Variants in TBC1D5 observed in about 807,000 individuals in gnomAD.
TBC1D5 encodes TBC1 domain family, member 5.
In TBC1D5, 75 loss-of-function variants were observed where a neutral mutation model predicts 100.3. That is an observed-to-expected ratio of 0.75 (90% CI 0.62 to 0.91). TBC1D5 has a LOEUF of 0.91. Among genes scored for constraint, TBC1D5 ranks in the 40% least tolerant of loss-of-function variants. The probability of loss-of-function intolerance (pLI) is 0.00; values close to 1 mark genes in which losing one functional copy is unlikely to be tolerated. For missense variants in TBC1D5, 910 were observed against 942.4 expected, an observed-to-expected ratio of 0.97 and a Z score of 0.45; for synonymous variants, 323 against 325.6, an observed-to-expected ratio of 0.99 and a Z score of 0.09.
chr3:17,333,428 G>A (rs1280524079), intron 13 of TBC1D5: 1 of 152,172 alleles, frequency 6.6e-6, no homozygotes, highest in African/African-American at 2.4e-5. Flanking sequence ...TGGCTCAGCT[G>A]TAATACAGTG....
intron 3 of TBC1D5, among the ~76,000 whole-genome samples, chr3:17,497,301 A>G (rs896763139): frequency 6.6e-6 from 1 of 151,948 alleles, no homozygotes; most frequent in Admixed American, 6.6e-5. Context: ...TTTTTCTCTG[A>G]TTTTCTTATT....
intron 3 of TBC1D5, among the ~76,000 whole-genome samples, chr3:17,458,342 T>C (rs932369446): frequency 5.9e-5 from 9 of 152,186 alleles, no homozygotes; most frequent in African/African-American, 2.2e-4. Context: ...TGACAAAATA[T>C]AGCTTTGTTC....
At chr3:17,238,289 T>G in exon 17 of TBC1D5, 2 of 1,614,054 alleles carry the variant, frequency 1.2e-6, no homozygotes, top group Non-Finnish European at 1.7e-6. Context: ...GAGGAGCTAC[T>G]GCTGTTGCCT....
intron 2 of TBC1D5, among the ~76,000 whole-genome samples, chr3:17,545,217 T>A (rs556563648): frequency 3.3e-5 from 5 of 152,268 alleles, no homozygotes; most frequent in Admixed American, 1.3e-4. Flanking sequence ...AAAACCAAGT[T>A]AAATTGTCAT....
In TBC1D5 at chr3:17,172,393, G is replaced by A. The variant is rs528395685; in HGVS notation, c.1853-4565C>T. ...TAAGTTACATCTGCATGTAAAAGTA[G>A]ACAAACGTAATGATGTCTTTCCATG... On this transcript the variant is annotated intron_variant, in intron 19 of 21. Transcript: ENST00000253692. 2.4e-3 allele frequency among the ~76,000 whole-genome samples: 368 copies of A among 152,288 alleles called. 3 individuals are homozygous for A. The highest frequency in any genetic ancestry group is 8.4e-3 in the African/African-American group (350 of 41,552).
chr3:17,287,136 C>A (rs2081263311), intron 15 of TBC1D5, among the ~76,000 whole-genome samples: 1 of 152,004 alleles, frequency 6.6e-6, no homozygotes, highest in Admixed American at 6.6e-5. Flanking sequence ...GAAAAATAAA[C>A]CACTGGCTGT....
chr3:17,377,659 G>C (rs2092763319), intron 9 of TBC1D5, among the ~76,000 whole-genome samples: 1 of 151,938 alleles, frequency 6.6e-6, no homozygotes, highest in African/African-American at 2.4e-5. Context: ...TCCTATAATG[G>C]ATGAACAGAG....
At chr3:17,595,452 A>G (rs2060501912) in intron 2 of TBC1D5, among the ~76,000 whole-genome samples, 3 of 152,154 alleles carry the variant, frequency 2.0e-5, no homozygotes, top group Admixed American at 6.5e-5. Flanking sequence ...AGTCTGGGAA[A>G]CTCATTTAGC....
chr3:17,599,647 T>C (rs1412710893), intron 2 of TBC1D5, among the ~76,000 whole-genome samples: 1 of 152,124 alleles, frequency 6.6e-6, no homozygotes, highest in Non-Finnish European at 1.5e-5. Context: ...CATCTACGGA[T>C]GGCAACTGCA....
intron 18 of TBC1D5, among the ~76,000 whole-genome samples, chr3:17,190,783 T>C (rs2069780757): frequency 6.6e-6 from 1 of 152,084 alleles, no homozygotes; most frequent in African/African-American, 2.4e-5. Context: ...TCTAAGTGGG[T>C]GTCCTCAGAT....
chr3:17,214,234 G>A, exon 18 of TBC1D5: 1 of 1,613,172 alleles, frequency 6.2e-7, no homozygotes, highest in South Asian at 1.1e-5. Context: ...TAGTTTTGCT[G>A]TGTGAGCGAG....
At chr3:17,513,521 T>C (rs961588328) in intron 2 of TBC1D5, among the ~76,000 whole-genome samples, 4 of 152,242 alleles carry the variant, frequency 2.6e-5, no homozygotes, top group Non-Finnish European at 4.4e-5. Flanking sequence ...TTTCAGCTTA[T>C]ATTCTCTCCT....
chr3:17,369,951 G>T (rs1279028039), intron 13 of TBC1D5, among the ~76,000 whole-genome samples: 1 of 152,046 alleles, frequency 6.6e-6, no homozygotes, highest in African/African-American at 2.4e-5. Context: ...GCTAAATGAG[G>T]TAGCTATGAT....
At chr3:17,733,622 G>A (rs535229745) in intron 1 of TBC1D5, among the ~76,000 whole-genome samples, 16 of 152,230 alleles carry the variant, frequency 1.1e-4, no homozygotes, top group African/African-American at 3.9e-4. Context: ...ATTTGGTAGA[G>A]TGATTTTCCA....
At chr3:17,628,752 C>CA (rs2063267425) in intron 1 of TBC1D5, among the ~76,000 whole-genome samples, 1 of 152,170 alleles carries the variant, frequency 6.6e-6, no homozygotes, top group Non-Finnish European at 1.5e-5. Context: ...TGAATGTACT[C>CA]ACTGTACGTG....
At chr3:17,520,888 G>C (rs1047740946) in intron 2 of TBC1D5, among the ~76,000 whole-genome samples, 1 of 152,108 alleles carries the variant, frequency 6.6e-6, no homozygotes, top group African/African-American at 2.4e-5. Context: ...AGGATTAAAA[G>C]AGATCTCAAA....
At chr3:17,517,876 A>G (rs2096010820) in intron 2 of TBC1D5, among the ~76,000 whole-genome samples, 4 of 152,118 alleles carry the variant, frequency 2.6e-5, no homozygotes, top group African/African-American at 9.7e-5. Flanking sequence ...ACACTATGGA[A>G]AAAAAATTAT....
chr3:17,641,790 C>T (rs1201768452), intron 1 of TBC1D5, among the ~76,000 whole-genome samples: 1 of 152,098 alleles, frequency 6.6e-6, no homozygotes, highest in Admixed American at 6.6e-5. Flanking sequence ...TGCAAAAATG[C>T]AGTGCCTTAC....
At chr3:17,413,775 T>C (rs1467061909) in intron 4 of TBC1D5, among the ~76,000 whole-genome samples, 2 of 152,200 alleles carry the variant, frequency 1.3e-5, no homozygotes, top group East Asian at 3.8e-4. Flanking sequence ...TGATGGTTTC[T>C]ATCCCATTTT....
Sources: gnomAD v4.1 joint callset for allele counts (sites outside exome capture counted in the v4.1 genomes callset) on GRCh38, gnomAD v4.1.1 for gene constraint, MANE v1.5 for transcripts, NCBI Gene and HGNC (gene_info 2026-07-23, HGNC 2026-07-21) for gene names.